Variants in KCNQ1OT1 observed in about 807,000 individuals in gnomAD.
The protein encoded by KCNQ1OT1 is KCNQ1 opposite strand/antisense transcript 1, also known as KCNQ1 antisense RNA 2 (non-protein coding).
chr11:2,647,915 C>CA lies in KCNQ1OT1; in HGVS notation n.52079dup, dbSNP rs200859203. On this transcript the variant is annotated non_coding_transcript_exon_variant, in exon 1 of 1. Transcript: ENST00000597346. The surrounding 1 kb of genome is among the most constrained non-coding windows in gnomAD (Gnocchi z 4.0). ...TAATGGTTTATTGATTTTCTCTTTTCAAAAAATCAGTTTTTTGGCTGGGTT... is the reference window on the plus strand; with the variant it reads ...TAATGGTTTATTGATTTTCTCTTTTCAAAAAAATCAGTTTTTTGGCTGGGTT... 911 of 398,250 alleles carry CA rather than the reference C, an allele frequency of 2.3e-3. 9 individuals are homozygous for CA. Among genetic ancestry groups the CA allele is most frequent in the African/African-American group, 0.018 (854 of 48,620 alleles). The allele number at this position is 398,250 out of a possible 1,614,324, so 24.7% of individuals were successfully genotyped here. A position where few individuals can be genotyped will look rare whatever the true frequency, so the allele number is the denominator to read the frequency against.
exon 1 of KCNQ1OT1, chr11:2,630,733 A>C: frequency 2.5e-6 from 1 of 398,444 alleles, no homozygotes. Flanking sequence ...TTAAGCCTGA[A>C]TAACTCCCTC....
exon 1 of KCNQ1OT1, chr11:2,681,504 A>G (rs1250231718): frequency 2.5e-6 from 1 of 398,404 alleles, no homozygotes; most frequent in Non-Finnish European, 4.4e-6. Flanking sequence ...AGTAAAGTCA[A>G]ACTGGTCCAG....
In KCNQ1OT1 at chr11:2,671,077, A is replaced by C. The variant is rs1850175098; in HGVS notation, n.28918T>G. On this transcript the variant is annotated non_coding_transcript_exon_variant, in exon 1 of 1. Transcript: ENST00000597346. This position sits in a 1 kb window ranked among gnomAD's most constrained non-coding sequence, Gnocchi z 4.7. Reference sequence around the variant, plus strand: ...CACACATCCTTGGTAGTGACTGGCTAGCAGGAGGAAGTCTGGCAGTTAGTC... The same window carrying C: ...CACACATCCTTGGTAGTGACTGGCTCGCAGGAGGAAGTCTGGCAGTTAGTC... 2.5e-6 allele frequency: 1 copy of C among 398,514 alleles called. No individual in the cohort carries two copies. The highest frequency in any genetic ancestry group is 2.1e-5 in the African/African-American group (1 of 48,602). The allele number at this position is 398,514 out of a possible 1,614,324, so 24.7% of individuals were successfully genotyped here. A position where few individuals can be genotyped will look rare whatever the true frequency, so the allele number is the denominator to read the frequency against.
exon 1 of KCNQ1OT1, chr11:2,692,211 C>G (rs976488050): frequency 5.0e-6 from 2 of 398,736 alleles, no homozygotes; most frequent in Non-Finnish European, 8.8e-6. Context: ...CCGATACACC[C>G]GCTTCCTCAC....
At position 2,699,690 on chromosome 11, in the gene KCNQ1OT1, GGTGCCCCGA is replaced by G. The variant is rs1564862642; in HGVS notation, n.296_304del. 300 of 351,666 alleles carry G rather than the reference GGTGCCCCGA, an allele frequency of 8.5e-4. 2 individuals carry two copies. Among genetic ancestry groups the G allele is most frequent in the Middle Eastern group, 3.0e-3 (4 of 1,326 alleles). 21.8% of individuals were successfully genotyped at this position (351,666 alleles called of 1,614,324 possible). ...GGGAGAACCGCGCCGAAAAGCCCCG[GGTGCCCCGA>G]GGAGAACGGCGCCGAGGAGTCCCCG... On this transcript the variant is annotated non_coding_transcript_exon_variant, in exon 1 of 1. Transcript: ENST00000597346.
exon 1 of KCNQ1OT1, chr11:2,618,985 T>C: frequency 2.5e-6 from 1 of 398,362 alleles, no homozygotes; most frequent in Non-Finnish European, 4.4e-6. Flanking sequence ...AGGTCATTAT[T>C]TGTGTATAGA....
chr11:2,683,960 C>CT lies in KCNQ1OT1; in HGVS notation n.16034dup, dbSNP rs560196106. The CT allele has an allele frequency of 0.093, 33,226 of 358,112 alleles. 853 individuals are homozygous for CT. The highest frequency in any genetic ancestry group is 0.18 in the Middle Eastern group (266 of 1,440). 22.2% of individuals were successfully genotyped at this position (358,112 alleles called of 1,614,324 possible). On this transcript the variant is annotated non_coding_transcript_exon_variant, in exon 1 of 1. Coordinates refer to ENST00000597346, the Ensembl canonical transcript of KCNQ1OT1. The surrounding 1 kb of genome is among the most constrained non-coding windows in gnomAD (Gnocchi z 4.7). Reference sequence around the variant, plus strand: ...AGACAAAACCAGCTGACTGCTTTTACTTTTTTTTTTTTTTCATTTAGAAGA... The same window carrying CT: ...AGACAAAACCAGCTGACTGCTTTTACTTTTTTTTTTTTTTTCATTTAGAAGA...
At position 2,652,748 on chromosome 11, in the gene KCNQ1OT1, GCT is replaced by G. The variant is rs535148092; in HGVS notation, n.47245_47246del. 7 of 398,798 alleles carry G rather than the reference GCT, an allele frequency of 1.8e-5. No individual in the cohort carries two copies. The highest frequency in any genetic ancestry group is 4.4e-5 in the Admixed American group (1 of 22,716). 24.7% of individuals were successfully genotyped at this position (398,798 alleles called of 1,614,324 possible). Reference sequence around the variant, plus strand: ...CACGCTCAGGGTTGACCCTGTCCTGGCTCTGTCACTGCCTGTCTTCCTCAGCG... The same window carrying G: ...CACGCTCAGGGTTGACCCTGTCCTGGCTGTCACTGCCTGTCTTCCTCAGCG... On this transcript the variant is annotated non_coding_transcript_exon_variant, in exon 1 of 1. Transcript: ENST00000597346. The surrounding 1 kb of genome is among the most constrained non-coding windows in gnomAD (Gnocchi z 5.9).
chr11:2,681,794 A>C (rs1044850067), exon 1 of KCNQ1OT1: 1 of 398,438 alleles, frequency 2.5e-6, no homozygotes, highest in African/African-American at 2.1e-5. Flanking sequence ...GAATGGGTAC[A>C]GTCCCTGCCT....
chr11:2,614,783 T>C, exon 1 of KCNQ1OT1: 1 of 398,520 alleles, frequency 2.5e-6, no homozygotes, highest in East Asian at 3.6e-5. Context: ...CCACATTGTT[T>C]TGATTACTGC....
In KCNQ1OT1 at chr11:2,698,158, G is replaced by A. The variant is rs946562530; in HGVS notation, n.1837C>T. ...AGCAGAAAACAAAACAGAGTTCCTC[G>A]TTGGGAGCTTTTGGTCTAGCAAAAG... is the stretch of plus-strand genomic sequence containing the variant. On this transcript the variant is annotated non_coding_transcript_exon_variant, in exon 1 of 1. Coordinates refer to ENST00000597346, the Ensembl canonical transcript of KCNQ1OT1. This position sits in a 1 kb window ranked among gnomAD's most constrained non-coding sequence, Gnocchi z 5.1. The A allele has an allele frequency of 5.0e-6, 2 of 398,610 alleles. No homozygotes were observed. Among genetic ancestry groups the A allele is most frequent in the African/African-American group, 4.1e-5 (2 of 48,730 alleles). The allele number at this position is 398,610 out of a possible 1,614,324, so 24.7% of individuals were successfully genotyped here.
chr11:2,631,595 C>G (rs1849354036), exon 1 of KCNQ1OT1: 1 of 398,390 alleles, frequency 2.5e-6, no homozygotes, highest in Non-Finnish European at 4.4e-6. Flanking sequence ...GAGTCAGTCC[C>G]TGAAAATTAT....
chr11:2,661,307 A>G lies in KCNQ1OT1; in HGVS notation n.38688T>C, dbSNP rs1048821241. 2 of 401,326 alleles carry G rather than the reference A, an allele frequency of 5.0e-6. No homozygotes were observed. Among genetic ancestry groups the G allele is most frequent in the African/African-American group, 4.1e-5 (2 of 48,656 alleles). The allele number at this position is 401,326 out of a possible 1,614,324, so 24.9% of individuals were successfully genotyped here. ...GCAAATACTGATAGTGTCAACAGAG[A>G]GTGGGGAGTGATAAGGATCAGTATC... On this transcript the variant is annotated non_coding_transcript_exon_variant, in exon 1 of 1. Coordinates refer to ENST00000597346, the Ensembl canonical transcript of KCNQ1OT1. This position sits in a 1 kb window ranked among gnomAD's most constrained non-coding sequence, Gnocchi z 5.9.
chr11:2,652,726 G>A lies in KCNQ1OT1; in HGVS notation n.47269C>T, dbSNP rs1849776344. 1.0e-5 allele frequency: 4 copies of A among 398,898 alleles called. No individual in the cohort carries two copies. Among genetic ancestry groups the A allele is most frequent in the Admixed American group, 8.8e-5 (2 of 22,736 alleles). 24.7% of individuals were successfully genotyped at this position (398,898 alleles called of 1,614,324 possible). On this transcript the variant is annotated non_coding_transcript_exon_variant, in exon 1 of 1. Transcript: ENST00000597346. The surrounding 1 kb of genome is among the most constrained non-coding windows in gnomAD (Gnocchi z 5.9). ...CTTTCCGTTTCCTGGGCTCACTCAC[G>A]CTCAGGGTTGACCCTGTCCTGGCTC...
rs1403542153 is a variant in KCNQ1OT1 at position 2,687,117 on chromosome 11, A to G, written n.12878T>C. 1 of 398,554 alleles carries G rather than the reference A, an allele frequency of 2.5e-6. No homozygotes were observed. Among genetic ancestry groups the G allele is most frequent in the African/African-American group, 2.1e-5 (1 of 48,644 alleles). The allele number at this position is 398,554 out of a possible 1,614,324, so 24.7% of individuals were successfully genotyped here. ...TGTGACAAGTACACCTTGACACACA[A>G]ACTGCACAGGGAGGGGAGGAATCTG... On this transcript the variant is annotated non_coding_transcript_exon_variant, in exon 1 of 1. Coordinates refer to ENST00000597346, the Ensembl canonical transcript of KCNQ1OT1. The surrounding 1 kb of genome is among the most constrained non-coding windows in gnomAD (Gnocchi z 5.0).
In KCNQ1OT1 at chr11:2,661,939, T is replaced by C; in HGVS notation, n.38056A>G. 1.2e-6 allele frequency: 2 copies of C among 1,614,154 alleles called. No homozygotes were observed. The highest frequency in any genetic ancestry group is 1.7e-6 in the Non-Finnish European group (2 of 1,180,038). On this transcript the variant is annotated non_coding_transcript_exon_variant, in exon 1 of 1. Coordinates refer to ENST00000597346, the Ensembl canonical transcript of KCNQ1OT1. The surrounding 1 kb of genome is among the most constrained non-coding windows in gnomAD (Gnocchi z 5.9). Reference sequence around the variant, plus strand: ...AGGTTGGGTGGGAGGCCTAACGTGCTGTCCCCACACTTTCTCCTCAGTAAG... The same window carrying C: ...AGGTTGGGTGGGAGGCCTAACGTGCCGTCCCCACACTTTCTCCTCAGTAAG...
exon 1 of KCNQ1OT1, chr11:2,644,596 A>G: frequency 2.5e-6 from 1 of 398,518 alleles, no homozygotes; most frequent in Non-Finnish European, 4.4e-6. Context: ...TGCATTCCTT[A>G]GGAGTTGTCA....
At position 2,615,777 on chromosome 11, in the gene KCNQ1OT1, T is replaced by C. The variant is rs561038242; in HGVS notation, n.84218A>G. On this transcript the variant is annotated non_coding_transcript_exon_variant, in exon 1 of 1. Transcript: ENST00000597346. ...ATCCTTTTTAATATGCTGCTGAATT[T>C]GGCTTACTAGTACTTTGTTAAATAA... 19 of 398,134 alleles carry C rather than the reference T, an allele frequency of 4.8e-5. No individual in the cohort carries two copies. The East Asian group carries it at 6.4e-4, about 13-fold the overall frequency. 24.7% of individuals were successfully genotyped at this position (398,134 alleles called of 1,614,324 possible).
rs752213450 is a variant in KCNQ1OT1, at chr11:2,659,775, G to A, written n.40220C>T. On this transcript the variant is annotated non_coding_transcript_exon_variant, in exon 1 of 1. Coordinates refer to ENST00000597346, the Ensembl canonical transcript of KCNQ1OT1. The surrounding 1 kb of genome is among the most constrained non-coding windows in gnomAD (Gnocchi z 4.3). ...AGAGTGGTTGGTATTGTCAGGTTTT[G>A]AATTTTTTTTTTAATTTATGGAATT... 2 of 398,122 alleles carry A rather than the reference G, an allele frequency of 5.0e-6. No individual in the cohort carries two copies. The highest frequency in any genetic ancestry group is 8.9e-6 in the Non-Finnish European group (2 of 225,898). 24.7% of individuals were successfully genotyped at this position (398,122 alleles called of 1,614,324 possible). A position where few individuals can be genotyped will look rare whatever the true frequency, so the allele number is the denominator to read the frequency against.
Sources: allele counts gnomAD v4.1 joint callset, GRCh38; gene constraint gnomAD v4.1.1; non-coding constraint Gnocchi (gnomAD v3.1); transcripts MANE v1.5; gene names NCBI Gene and HGNC (gene_info 2026-07-23, HGNC 2026-07-21).